Variants in KIF13A observed in about 807,000 individuals in gnomAD.
The protein encoded by KIF13A is kinesin-like protein KIF13A.
In KIF13A, 79 loss-of-function variants were observed where a neutral mutation model predicts 212.2. The observed-to-expected ratio is 0.37, with a 90% CI of 0.31 to 0.45. The LOEUF is 0.45. Ranked by LOEUF, KIF13A falls within the 20% of genes least tolerant of loss-of-function variation. The pLI is 1.00. For synonymous variants in KIF13A, 789 were observed against 808.6 expected, an observed-to-expected ratio of 0.98 and a Z score of 0.41; for missense variants, 1,901 against 2,209.0, an observed-to-expected ratio of 0.86 and a Z score of 2.79.
intron 16 of KIF13A, among the ~76,000 whole-genome samples, chr6:17,823,444 C>T (rs538996641): frequency 6.9e-6 from 1 of 144,296 alleles, no homozygotes; most frequent in African/African-American, 2.5e-5. Context: ...CTGCCTTCCT[C>T]CCTCTCTTTT....
intron 2 of KIF13A, among the ~76,000 whole-genome samples, chr6:17,929,896 C>G (rs996198932): frequency 6.6e-6 from 1 of 152,196 alleles, no homozygotes; most frequent in African/African-American, 2.4e-5. Flanking sequence ...TACATGCAAA[C>G]ACATTAGCCA....
chr6:17,876,376 A>C (rs1231225958), intron 3 of KIF13A, among the ~76,000 whole-genome samples: 1 of 152,116 alleles, frequency 6.6e-6, no homozygotes, highest in Non-Finnish European at 1.5e-5. Context: ...TCCTTACCTC[A>C]GAATTACTAA....
intron 2 of KIF13A, among the ~76,000 whole-genome samples, chr6:17,932,935 C>T (rs576341889): frequency 3.9e-5 from 6 of 152,076 alleles, no homozygotes; most frequent in East Asian, 1.9e-4. Flanking sequence ...AATCACAATA[C>T]GGTAAAGCAG....
intron 2 of KIF13A, among the ~76,000 whole-genome samples, chr6:17,913,096 C>CATAT (rs892388667): frequency 2.0e-5 from 3 of 150,344 alleles, no homozygotes; most frequent in Admixed American, 6.7e-5. Context: ...AATACATAAA[C>CATAT]ATATATATAT....
intron 2 of KIF13A, among the ~76,000 whole-genome samples, chr6:17,986,684 C>A (rs947017254): frequency 1.3e-5 from 2 of 152,244 alleles, no homozygotes; most frequent in Non-Finnish European, 2.9e-5. Flanking sequence ...GTTCCACGAA[C>A]AATAAGGTCG....
At chr6:17,959,378 T>A (rs547373709) in intron 2 of KIF13A, among the ~76,000 whole-genome samples, 1 of 152,228 alleles carries the variant, frequency 6.6e-6, no homozygotes, top group South Asian at 2.1e-4. Flanking sequence ...CACTACATTA[T>A]GTTTGGGAGA....
rs1292070964 is a variant in KIF13A, at chr6:17,912,150, T to C, written c.147-13970A>G. On this transcript the variant is annotated intron_variant, in intron 2 of 38. Coordinates refer to ENST00000259711, the MANE Select transcript of KIF13A (RefSeq NM_022113.6). The surrounding 1 kb of genome is among the most constrained non-coding windows in gnomAD (Gnocchi z 4.2). Reference sequence around the variant, plus strand: ...AAGGATAAATGCTTGAGGGGATGGATACCCCATTCTCCATGATGTGATTAT... The same window carrying C: ...AAGGATAAATGCTTGAGGGGATGGACACCCCATTCTCCATGATGTGATTAT... Among the ~76,000 whole-genome samples the C allele has an allele frequency of 6.6e-6, 1 of 152,234 alleles. No homozygotes were observed. Among genetic ancestry groups the C allele is most frequent in the Admixed American group, 6.5e-5 (1 of 15,288 alleles).
intron 2 of KIF13A, among the ~76,000 whole-genome samples, chr6:17,983,494 C>CTT (rs747300594): frequency 1.2e-4 from 15 of 127,330 alleles, no homozygotes; most frequent in African/African-American, 2.3e-4. Context: ...GCTGCTGCTG[C>CTT]TTTTTTTTTT....
chr6:17,952,507 C>T lies in KIF13A; in HGVS notation c.146+34547G>A, dbSNP rs563739963. Among the ~76,000 whole-genome samples the T allele has an allele frequency of 1.3e-4, 20 of 151,928 alleles. No homozygotes were observed. The East Asian group carries it at 1.9e-3, about 15-fold the overall frequency. On this transcript the variant is annotated intron_variant, in intron 2 of 38. Transcript: ENST00000259711. The stretch of plus-strand genomic sequence containing the variant: ...AATTAGCAAGGCTTAGTAGTGTGCT[C>T]GCATCTGTGGTCTTAGCTACTCAGG...
At chr6:17,956,994 C>T (rs774873582) in intron 2 of KIF13A, among the ~76,000 whole-genome samples, 94 of 152,132 alleles carry the variant, frequency 6.2e-4, no homozygotes, top group Non-Finnish European at 1.0e-3. Context: ...GATTCTCCTG[C>T]CTCAGCCTCC....
chr6:17,876,213 C>T (rs1052877819), intron 3 of KIF13A, among the ~76,000 whole-genome samples: 8 of 152,142 alleles, frequency 5.3e-5, no homozygotes, highest in East Asian at 1.9e-4. Context: ...ACAAACCTCC[C>T]ATGGGCAGGA....
intron 4 of KIF13A, among the ~76,000 whole-genome samples, chr6:17,863,714 GA>G (rs1769076844): frequency 6.6e-6 from 1 of 152,160 alleles, no homozygotes; most frequent in Non-Finnish European, 1.5e-5. Context: ...TTCTGCAATA[GA>G]AAATATGAAA....
chr6:17,821,906 C>CTAGCAG, intron 16 of KIF13A: 1 of 1,535,438 alleles, frequency 6.5e-7, no homozygotes, highest in Non-Finnish European at 8.7e-7. Context: ...GGGAAGCCAC[C>CTAGCAG]TAGCAGTAGA....
chr6:17,924,339 C>T (rs1775319440), intron 2 of KIF13A, among the ~76,000 whole-genome samples: 1 of 152,166 alleles, frequency 6.6e-6, no homozygotes, highest in South Asian at 2.1e-4. Context: ...TCTGAACAAT[C>T]TCTAGTCGTG....
intron 2 of KIF13A, among the ~76,000 whole-genome samples, chr6:17,901,143 G>A (rs1187061377): frequency 6.6e-6 from 1 of 151,224 alleles, no homozygotes; most frequent in African/African-American, 2.4e-5. Context: ...TTTGAGTGCA[G>A]GGAAGAAAAT....
intron 17 of KIF13A, among the ~76,000 whole-genome samples, chr6:17,810,095 T>C (rs1041440860): frequency 7.9e-5 from 12 of 152,128 alleles, no homozygotes; most frequent in African/African-American, 2.9e-4. Flanking sequence ...ATACCATTTT[T>C]CCAGTCACCC....
chr6:17,913,912 C>G (rs1774278157), intron 2 of KIF13A, among the ~76,000 whole-genome samples: 1 of 152,132 alleles, frequency 6.6e-6, no homozygotes, highest in Non-Finnish European at 1.5e-5. Flanking sequence ...AAAGCACAAG[C>G]TGAGGCTCAG....
Position 17,787,942 on chromosome 6 carries a change from T to A in KIF13A, c.3262-67A>T. 3.3e-6 allele frequency: 3 copies of A among 906,686 alleles called. No individual in the cohort carries two copies. The highest frequency in any genetic ancestry group is 5.4e-6 in the Non-Finnish European group (3 of 559,896). The allele number at this position is 906,686 out of a possible 1,614,324, so 56.2% of individuals were successfully genotyped here. On this transcript the variant is annotated intron_variant, in intron 26 of 38. Transcript: ENST00000259711. The surrounding 1 kb of genome is among the most constrained non-coding windows in gnomAD (Gnocchi z 4.6). ...GACAACGATTTCTTTCTTTCTTTTT[T>A]TAAAAGATGTTTAAATCAACTAGGA...
At chr6:17,985,497 G>A (rs1781464418) in intron 2 of KIF13A, among the ~76,000 whole-genome samples, 1 of 152,052 alleles carries the variant, frequency 6.6e-6, no homozygotes, top group African/African-American at 2.4e-5. Flanking sequence ...GAGTGACAAG[G>A]AGCAGGTGCC....
Sources: gnomAD v4.1 joint callset for allele counts (sites outside exome capture counted in the v4.1 genomes callset) on GRCh38, gnomAD v4.1.1 for gene constraint, Gnocchi (gnomAD v3.1) non-coding constraint, MANE v1.5 for transcripts, NCBI Gene and HGNC (gene_info 2026-07-23, HGNC 2026-07-21) for gene names.